The following DLGAP1 variants were observed in gnomAD, a reference collection of about 807,000 sequenced individuals.
The protein encoded by DLGAP1 is DLG associated protein 1, also known as disks large-associated protein 1.
DLGAP1 carries 11 observed loss-of-function variants against 90.8 expected under a neutral mutation model. The observed-to-expected ratio is 0.12, with a 90% CI of 0.08 to 0.20. The LOEUF is 0.20. DLGAP1 is among the 10% of genes least tolerant of loss of function. The pLI is 1.00. For missense variants in DLGAP1, 1,050 were observed against 1,333.8 expected (o/e 0.79, Z 3.31); for synonymous variants, 558 against 540.7 (o/e 1.03, Z -0.44).
intron 1 of DLGAP1, among the ~76,000 whole-genome samples, chr18:4,223,994 A>T (rs1169667924): frequency 6.6e-6 from 1 of 152,236 alleles, no homozygotes; most frequent in Non-Finnish European, 1.5e-5. Context: ...TTCTAGTTAG[A>T]GAAATGAGAA....
chr18:4,122,489 G>A (rs762333783), intron 2 of DLGAP1, among the ~76,000 whole-genome samples: 4 of 152,190 alleles, frequency 2.6e-5, no homozygotes, highest in Non-Finnish European at 5.9e-5. Context: ...TTCCAGAACA[G>A]GTTAGTCATG....
In DLGAP1 at chr18:3,652,848, T is replaced by A. The variant is rs562097928; in HGVS notation, c.1592-70600A>T. ...ACACAGAACACATGCTGCTTATCAC[T>A]GGCAAAGACTTGCATCAGCCTGCCA... is the stretch of plus-strand genomic sequence containing the variant. On this transcript the variant is annotated intron_variant, in intron 7 of 12. Coordinates refer to ENST00000315677, the MANE Select transcript of DLGAP1 (RefSeq NM_004746.4). 1.6e-3 allele frequency among the ~76,000 whole-genome samples: 244 copies of A among 152,358 alleles called. 1 individual carries two copies. The highest frequency in any genetic ancestry group is 0.01 in the South Asian group (49 of 4,828).
intron 1 of DLGAP1, among the ~76,000 whole-genome samples, chr18:4,412,477 T>C (rs2082800790): frequency 6.6e-6 from 1 of 152,222 alleles, no homozygotes; most frequent in African/African-American, 2.4e-5. Flanking sequence ...GGATAAGTGC[T>C]GGCTCTGCTA....
intron 5 of DLGAP1, among the ~76,000 whole-genome samples, chr18:3,754,954 A>G (rs1568076093): frequency 6.6e-6 from 1 of 152,082 alleles, no homozygotes; most frequent in South Asian, 2.1e-4. Flanking sequence ...ATGAAAATTT[A>G]TAGACCATGC....
chr18:4,289,848 A>G (rs933733629), intron 1 of DLGAP1, among the ~76,000 whole-genome samples: 11 of 152,200 alleles, frequency 7.2e-5, no homozygotes, highest in African/African-American at 2.2e-4. Context: ...TTGCATAATT[A>G]TAAGAGCTCT....
chr18:4,308,669 T>C (rs2080323275), intron 1 of DLGAP1, among the ~76,000 whole-genome samples: 3 of 152,144 alleles, frequency 2.0e-5, no homozygotes, highest in African/African-American at 7.2e-5. Context: ...AAGGTTTAAA[T>C]TGGTACAAAT....
At chr18:4,390,346 G>A (rs1390849279) in intron 1 of DLGAP1, among the ~76,000 whole-genome samples, 3 of 151,850 alleles carry the variant, frequency 2.0e-5, no homozygotes, top group African/African-American at 7.2e-5. Context: ...TGTTGTAATT[G>A]ATGAACCTCT....
At chr18:3,953,445 T>C (rs73376546) in intron 3 of DLGAP1, among the ~76,000 whole-genome samples, 24,481 of 152,162 alleles carry the variant, frequency 0.16, 2,103 homozygotes, top group Middle Eastern at 0.22. Context: ...TTTAACTTTG[T>C]GTTTCTGAGA....
intron 9 of DLGAP1, among the ~76,000 whole-genome samples, chr18:3,559,491 T>C (rs918640921): frequency 6.6e-6 from 1 of 152,154 alleles, no homozygotes; most frequent in African/African-American, 2.4e-5. Flanking sequence ...TTAATAGTTT[T>C]CTATTGAGCA....
intron 4 of DLGAP1, among the ~76,000 whole-genome samples, chr18:3,832,863 C>A (rs981601481): frequency 6.8e-6 from 1 of 147,564 alleles, no homozygotes; most frequent in East Asian, 1.9e-4. Flanking sequence ...GCTTAGGTGC[C>A]CCCCCCATCA....
intron 6 of DLGAP1, among the ~76,000 whole-genome samples, chr18:3,739,337 T>C (rs1310615073): frequency 7.2e-6 from 1 of 139,620 alleles, no homozygotes; most frequent in South Asian, 2.3e-4. Flanking sequence ...GTATGTTTAT[T>C]GTGGCACTAT....
chr18:3,755,267 T>C (rs1284077727), intron 5 of DLGAP1, among the ~76,000 whole-genome samples: 3 of 151,522 alleles, frequency 2.0e-5, no homozygotes, highest in Non-Finnish European at 4.4e-5. Flanking sequence ...AATAGCAAAA[T>C]GGCAAATCTA....
intron 1 of DLGAP1, among the ~76,000 whole-genome samples, chr18:4,402,867 C>T (rs1429463613): frequency 6.6e-6 from 1 of 152,130 alleles, no homozygotes; most frequent in Admixed American, 6.6e-5. Flanking sequence ...GCTTACAGGT[C>T]AAGCCAGCCT....
At chr18:4,156,231 G>C (rs2076753821) in intron 1 of DLGAP1, among the ~76,000 whole-genome samples, 1 of 152,170 alleles carries the variant, frequency 6.6e-6, no homozygotes, top group African/African-American at 2.4e-5. Flanking sequence ...CACATAGGTG[G>C]CTGGATATAC....
In DLGAP1 at chr18:3,680,372, A is replaced by G. The variant is rs114528673; in HGVS notation, c.1591+48763T>C. ...TGGCAGCCACAGGCCTGAGGGCAGA[A>G]GGAAGGGGTACAGGTGAGTACAGTG... On this transcript the variant is annotated intron_variant, in intron 7 of 12. Coordinates refer to ENST00000315677, the MANE Select transcript of DLGAP1 (RefSeq NM_004746.4). Among the ~76,000 whole-genome samples the G allele has an allele frequency of 9.3e-3, 1,420 of 152,350 alleles. 32 individuals carry two copies. The highest frequency in any genetic ancestry group is 0.032 in the African/African-American group (1,342 of 41,584).
At chr18:4,404,258 G>T (rs2082617863) in intron 1 of DLGAP1, among the ~76,000 whole-genome samples, 1 of 152,190 alleles carries the variant, frequency 6.6e-6, no homozygotes, top group African/African-American at 2.4e-5. Flanking sequence ...CAGAGCAAGT[G>T]AAATCTCATT....
chr18:4,214,211 T>G (rs775570066), intron 1 of DLGAP1, among the ~76,000 whole-genome samples: 1 of 150,760 alleles, frequency 6.6e-6, no homozygotes, highest in East Asian at 2.0e-4. Flanking sequence ...AAAAAGAAAG[T>G]GAGGGAAACT....
intron 3 of DLGAP1, among the ~76,000 whole-genome samples, chr18:3,897,996 T>TTG (rs1568287589): frequency 6.6e-6 from 1 of 151,544 alleles, no homozygotes; most frequent in East Asian, 2.0e-4. Flanking sequence ...GGGTTTCACC[T>TTG]TGTTAGCCAG....
At chr18:3,620,572 T>C (rs1032851367) in intron 7 of DLGAP1, among the ~76,000 whole-genome samples, 3 of 143,280 alleles carry the variant, frequency 2.1e-5, no homozygotes, top group Non-Finnish European at 3.1e-5. Context: ...TATTATTATT[T>C]TTGAGATGGA....
Sources: gnomAD v4.1 joint callset for allele counts (sites outside exome capture counted in the v4.1 genomes callset) on GRCh38, gnomAD v4.1.1 for gene constraint, MANE v1.5 for transcripts, NCBI Gene and HGNC (gene_info 2026-07-23, HGNC 2026-07-21) for gene names.